The following PIK3R1 variants were observed in gnomAD, a reference collection of about 807,000 sequenced individuals.
PIK3R1 encodes phosphoinositide-3-kinase regulatory subunit 1, also known as phosphatidylinositol 3-kinase regulatory subunit alpha.
A neutral mutation model predicts 98.0 loss-of-function variants in PIK3R1; 29 were observed. The ratio of observed to expected loss-of-function variants is 0.30; its 90% CI spans 0.22 to 0.40. The LOEUF is 0.40. Ranked by LOEUF, PIK3R1 falls within the 10% of genes least tolerant of loss-of-function variation. The probability of loss-of-function intolerance (pLI) is 1.00; values close to 1 mark genes in which losing one functional copy is unlikely to be tolerated. For missense variants in PIK3R1, 596 were observed against 872.7 expected (o/e 0.68, Z 3.99); for synonymous variants, 282 against 311.8 (o/e 0.90, Z 1.01).
At chr5:68,224,854 C>G (rs1332481240) in intron 1 of PIK3R1, among the ~76,000 whole-genome samples, 1 of 152,220 alleles carries the variant, frequency 6.6e-6, no homozygotes, top group African/African-American at 2.4e-5. Context: ...TAGTAACTCT[C>G]TAATTCCCTT....
chr5:68,298,511 G>GATTTTTGTTAATATTC lies in PIK3R1; in HGVS notation c.*921_*936dup. 4.3e-6 allele frequency: 1 copy of GATTTTTGTTAATATTC among 232,856 alleles called. No individual in the cohort carries two copies. The highest frequency in any genetic ancestry group is 6.1e-5 in the East Asian group (1 of 16,446). The allele number at this position is 232,856 out of a possible 1,614,324, so 14.4% of individuals were successfully genotyped here. A position where few individuals can be genotyped will look rare whatever the true frequency, so the allele number is the denominator to read the frequency against. ...GTTGCTTGAAAATATTGTTGTCCCGGATTTTTGTTAATATTCATTTTTGTT... is the reference window on the plus strand; with the variant it reads ...GTTGCTTGAAAATATTGTTGTCCCGGATTTTTGTTAATATTCATTTTTGTTAATATTCATTTTTGTT... On this transcript the variant is annotated 3_prime_UTR_variant, in exon 16 of 16. Coordinates refer to ENST00000521381, the MANE Select transcript of PIK3R1 (RefSeq NM_181523.3).
At chr5:68,278,811 A>G (rs1354782596) in intron 4 of PIK3R1, among the ~76,000 whole-genome samples, 1 of 152,040 alleles carries the variant, frequency 6.6e-6, no homozygotes, top group South Asian at 2.1e-4. Flanking sequence ...GTGGTGGTAC[A>G]CACCTGTAAT....
At chr5:68,292,390 G>A (rs761709319) in intron 8 of PIK3R1, 29 bp downstream of exon 8, 2 of 1,549,342 alleles carry the variant, frequency 1.3e-6, no homozygotes, top group East Asian at 4.5e-5. Flanking sequence ...CATTTTCAGA[G>A]AGTTTTAGAT....
At chr5:68,267,782 G>A (rs893658745) in intron 2 of PIK3R1, among the ~76,000 whole-genome samples, 1 of 151,942 alleles carries the variant, frequency 6.6e-6, no homozygotes, top group African/African-American at 2.4e-5. Context: ...GGTCCTTTTG[G>A]GGAAAGTATG....
chr5:68,289,633 C>T (rs1747268443), intron 7 of PIK3R1, among the ~76,000 whole-genome samples: 1 of 151,170 alleles, frequency 6.6e-6, no homozygotes, highest in Non-Finnish European at 1.5e-5. Context: ...ACAGTAGGCT[C>T]CTATAAGGGT....
chr5:68,229,023 T>G (rs1449073693), intron 2 of PIK3R1, among the ~76,000 whole-genome samples: 1 of 152,140 alleles, frequency 6.6e-6, no homozygotes, highest in Non-Finnish European at 1.5e-5. Flanking sequence ...AAATGAAAAT[T>G]TTTAGCAGAA....
At chr5:68,230,323 G>A (rs965050729) in intron 2 of PIK3R1, among the ~76,000 whole-genome samples, 1 of 152,204 alleles carries the variant, frequency 6.6e-6, no homozygotes, top group Non-Finnish European at 1.5e-5. Flanking sequence ...GCTCCATAAG[G>A]GGAGAGATCT....
intron 2 of PIK3R1, among the ~76,000 whole-genome samples, chr5:68,233,322 CAGAT>C (rs1231207040): frequency 1.3e-5 from 2 of 152,198 alleles, no homozygotes; most frequent in Non-Finnish European, 2.9e-5. Context: ...TCTGAAGTCT[CAGAT>C]AGGAGAAGAT....
In PIK3R1 at chr5:68,293,701, C is replaced by A. The variant is rs2112261968; in HGVS notation, c.1300-8C>A. 1 of 1,419,472 alleles carries A rather than the reference C, an allele frequency of 7.0e-7. No individual in the cohort carries two copies. The highest frequency in any genetic ancestry group is 2.3e-5 in the East Asian group (1 of 43,688). The allele number at this position is 1,419,472 out of a possible 1,614,324, so 87.9% of individuals were successfully genotyped here. On this transcript the variant is annotated splice_region_variant and splice_polypyrimidine_tract_variant and intron_variant, in intron 10 of 15. Coordinates refer to ENST00000521381, the MANE Select transcript of PIK3R1 (RefSeq NM_181523.3). The stretch of plus-strand genomic sequence containing the variant: ...CCTTATCCATTGAATTTATTTTAAT[C>A]TTTCTAGGATCAAGTTGTCAAAGAA...
rs2112293616 is a variant in PIK3R1, at chr5:68,297,564, C to T, written c.2138C>T (p.Thr713Ile). 1 of 1,614,186 alleles carries T rather than the reference C, an allele frequency of 6.2e-7. No homozygotes were observed. The change falls in exon 16 of 16, where the codon ACA (threonine) becomes ATA (isoleucine). Residue 713 changes from threonine to isoleucine, a missense_variant. Thr to Ile is a moderately conservative substitution (Grantham distance 89). This residue lies in a region of PIK3R1 where 207 missense variants were observed against 361.4 expected (regional missense o/e 0.57). Transcript: ENST00000521381. ...LVQHNDSLNV[T>I]LAYPVYAQQR... Reference sequence around the variant, plus strand: ...CAGCACAACGACTCCCTCAATGTCACACTAGCCTACCCAGTATATGCACAG... The same window carrying T: ...CAGCACAACGACTCCCTCAATGTCATACTAGCCTACCCAGTATATGCACAG...
Position 68,273,428 on chromosome 5 carries a change from C to T in PIK3R1, c.373C>T (p.Pro125Ser), listed in dbSNP as rs1746441563. 1 of 1,614,136 alleles carries T rather than the reference C, an allele frequency of 6.2e-7. No homozygotes were observed. The highest frequency in any genetic ancestry group is 2.2e-5 in the East Asian group (1 of 44,870). The change falls in exon 3 of 16, where the codon CCT becomes TCT. Residue 125 changes from proline (P) to serine (S), a missense_variant. This residue lies in a region of PIK3R1 where 352 missense variants were observed against 393.3 expected (regional missense o/e 0.90). Transcript: ENST00000521381. Reference sequence around the variant, plus strand: ...GGATCTTGCAGAGCAGTTTGCCCCTCCTGACATTGCCCCGCCTCTTCTTAT... The same window carrying T: ...GGATCTTGCAGAGCAGTTTGCCCCTTCTGACATTGCCCCGCCTCTTCTTAT... ...LPDLAEQFAP[P>S]DIAPPLLIKL...
chr5:68,226,924 G>A lies in PIK3R1; in HGVS notation c.249G>A (p.Ser83=), dbSNP rs771574512. Residue 83 remains serine, a synonymous_variant, in exon 2 of 16, where the codon TCG becomes TCA. Transcript: ENST00000521381. ...AATATATTGGAAGGAAAAAAATCTCGCCTCCCACACCAAAGCCCCGGCCAC... is the reference window on the plus strand; with the variant it reads ...AATATATTGGAAGGAAAAAAATCTCACCTCCCACACCAAAGCCCCGGCCAC... ...YVEYIGRKKI[S]PPTPKPRPPR... The A allele has an allele frequency of 3.0e-5, 48 of 1,613,936 alleles. 1 individual carries two copies. In the Middle Eastern group the frequency reaches 4.9e-4, roughly 17 times the overall value.
chr5:68,295,080 T>G (rs1362951945), intron 12 of PIK3R1, 68 bp from the exon 13 acceptor site: 2 of 1,332,140 alleles, frequency 1.5e-6, no homozygotes, highest in Non-Finnish European at 2.0e-6. Flanking sequence ...TAGTGAAACT[T>G]TTCATAAACT....
chr5:68,259,281 C>T (rs1216374359), intron 2 of PIK3R1, among the ~76,000 whole-genome samples: 1 of 152,136 alleles, frequency 6.6e-6, no homozygotes, highest in Non-Finnish European at 1.5e-5. Context: ...TTAAATTTCA[C>T]CTTTTGTTTT....
At chr5:68,233,100 C>T (rs1258586017) in intron 2 of PIK3R1, among the ~76,000 whole-genome samples, 1 of 152,116 alleles carries the variant, frequency 6.6e-6, no homozygotes, top group African/African-American at 2.4e-5. Flanking sequence ...TTCTGAAATT[C>T]AACAACAAAT....
In PIK3R1 at chr5:68,292,313, A is replaced by G; in HGVS notation, c.971A>G (p.Asn324Ser). The G allele has an allele frequency of 6.2e-7, 1 of 1,613,710 alleles. No individual in the cohort carries two copies. The highest frequency in any genetic ancestry group is 8.5e-7 in the Non-Finnish European group (1 of 1,179,606). Residue 324 changes from asparagine (N) to serine (S), a missense_variant, in exon 8 of 16, where the codon AAC (asparagine) becomes AGC (serine). Transcript: ENST00000521381. ...PTTVANNGMN[N>S]NMSLQDAEWY... ...ACTGTAGCCAACAACGGTATGAATA[A>G]CAATATGTCCTTACAAGATGCTGAA...
chr5:68,294,731 A>G (rs1408887130), intron 12 of PIK3R1, 53 bp downstream of exon 12: 2 of 1,291,756 alleles, frequency 1.5e-6, no homozygotes, highest in South Asian at 1.4e-5. Flanking sequence ...CTCTAAAACC[A>G]TTTAAAGATG....
intron 2 of PIK3R1, among the ~76,000 whole-genome samples, chr5:68,252,293 G>A (rs1196867706): frequency 6.6e-6 from 1 of 151,942 alleles, no homozygotes; most frequent in African/African-American, 2.4e-5. Context: ...TTACTCCGCT[G>A]CCTTAGGAGA....
intron 7 of PIK3R1, chr5:68,290,591 T>A (rs1747331063): frequency 7.7e-7 from 1 of 1,294,302 alleles, no homozygotes; most frequent in Non-Finnish European, 1.0e-6. Context: ...TTTTTCTGAC[T>A]TGATTGGCTG....
Sources: allele counts gnomAD v4.1 joint callset (sites outside exome capture counted in the v4.1 genomes callset), GRCh38; gene constraint gnomAD v4.1.1; regional missense constraint gnomAD v4.1.1; transcripts MANE v1.5; gene names NCBI Gene and HGNC (gene_info 2026-07-23, HGNC 2026-07-21).